The following WDR72 variants were observed in gnomAD, a reference collection of about 807,000 sequenced individuals.
The protein encoded by WDR72 is WD repeat-containing protein 72.
Under a neutral mutation model 124.2 loss-of-function variants are expected in WDR72, and 120 were observed. The ratio of observed to expected loss-of-function variants is 0.97; its 90% CI spans 0.83 to 1.12. The LOEUF is 1.12. WDR72 is among the 50% of genes most tolerant of loss of function. The pLI, the probability that WDR72 is intolerant of heterozygous loss-of-function variation, is 0.00. For missense variants in WDR72, 1,387 were observed against 1,278.8 expected (o/e 1.08, Z -1.29); for synonymous variants, 452 against 441.7 (o/e 1.02, Z -0.29).
At chr15:53,534,386 C>A (rs189749814) in intron 18 of WDR72, among the ~76,000 whole-genome samples, 2 of 152,042 alleles carry the variant, frequency 1.3e-5, no homozygotes, top group African/African-American at 2.4e-5. Context: ...ATGAGTCATG[C>A]GTTGCAAAAG....
At chr15:53,721,643 C>T (rs906840310) in intron 3 of WDR72, among the ~76,000 whole-genome samples, 10 of 152,144 alleles carry the variant, frequency 6.6e-5, no homozygotes, top group African/African-American at 2.4e-4. Flanking sequence ...GCATATTAAA[C>T]TATTCTGTTT....
intron 19 of WDR72, 130 bp from the exon 20 acceptor site, chr15:53,517,884 GA>G (rs966736739): frequency 2.4e-6 from 2 of 820,816 alleles, no homozygotes; most frequent in South Asian, 1.6e-5. Flanking sequence ...AGAGAATGAG[GA>G]AAAAAAGAAA....
At chr15:53,707,655 C>G (rs899760111) in intron 9 of WDR72, among the ~76,000 whole-genome samples, 2 of 152,046 alleles carry the variant, frequency 1.3e-5, no homozygotes, top group Non-Finnish European at 2.9e-5. Flanking sequence ...ACCGTGTTAG[C>G]CAGGATGGTC....
At chr15:53,524,252 T>C (rs890962180) in intron 18 of WDR72, among the ~76,000 whole-genome samples, 3 of 152,118 alleles carry the variant, frequency 2.0e-5, no homozygotes, top group African/African-American at 7.2e-5. Flanking sequence ...ACAATGGAAT[T>C]TTATTTATTA....
intron 9 of WDR72, among the ~76,000 whole-genome samples, chr15:53,709,107 G>A (rs1249608123): frequency 2.0e-5 from 3 of 152,220 alleles, no homozygotes; most frequent in Non-Finnish European, 4.4e-5. Context: ...CTCACTGAAT[G>A]TATCAAATTC....
chr15:53,634,988 A>AGGT (rs1218382047), intron 14 of WDR72, among the ~76,000 whole-genome samples: 1 of 152,204 alleles, frequency 6.6e-6, no homozygotes, highest in Non-Finnish European at 1.5e-5. Context: ...AGCCAGAGCA[A>AGGT]GGTGGTGTAA....
chr15:53,600,017 C>T (rs1434713537), intron 17 of WDR72, among the ~76,000 whole-genome samples: 1 of 152,044 alleles, frequency 6.6e-6, no homozygotes, highest in Non-Finnish European at 1.5e-5. Context: ...AAAGTGAATA[C>T]TGAATGGCAT....
Position 53,759,295 on chromosome 15 carries a change from C to A in WDR72, c.-13+338G>T, listed in dbSNP as rs2019003543. On this transcript the variant is annotated intron_variant, in intron 1 of 19. Transcript: ENST00000360509. ...TTATCCTAATAGGGAAAGGCAGGTC[C>A]CTAACCGTATCTGGGGTAGACTCCT... is the stretch of plus-strand genomic sequence containing the variant. 2.6e-5 allele frequency: 4 copies of A among 152,292 alleles called. No individual in the cohort carries two copies. In the South Asian group the frequency reaches 8.3e-4, roughly 32 times the overall value. The allele number at this position is 152,292 out of a possible 1,614,324, so 9.4% of individuals were successfully genotyped here. A position where few individuals can be genotyped will look rare whatever the true frequency, so the allele number is the denominator to read the frequency against.
intron 13 of WDR72, chr15:53,684,026 A>C (rs1164316209): frequency 2.0e-5 from 3 of 152,208 alleles, no homozygotes; most frequent in Admixed American, 1.3e-4. Flanking sequence ...AATAAAGGAT[A>C]TCAATTAATT....
chr15:53,692,380 G>T (rs2016871699), intron 13 of WDR72, among the ~76,000 whole-genome samples: 1 of 152,154 alleles, frequency 6.6e-6, no homozygotes, highest in African/African-American at 2.4e-5. Context: ...GAGTTAAGGA[G>T]TCAGGAATAA....
At chr15:53,621,034 C>G (rs2013969210) in intron 14 of WDR72, among the ~76,000 whole-genome samples, 1 of 151,972 alleles carries the variant, frequency 6.6e-6, no homozygotes, top group Non-Finnish European at 1.5e-5. Context: ...AAATTGCCAA[C>G]AAACATATAA....
At chr15:53,552,465 A>G (rs1297763985) in intron 18 of WDR72, among the ~76,000 whole-genome samples, 1 of 152,094 alleles carries the variant, frequency 6.6e-6, no homozygotes, top group East Asian at 1.9e-4. Flanking sequence ...AACAATGTCT[A>G]TTTGCACAGC....
intron 18 of WDR72, among the ~76,000 whole-genome samples, chr15:53,529,391 C>T (rs1892325482): frequency 6.6e-6 from 1 of 151,722 alleles, no homozygotes; most frequent in African/African-American, 2.4e-5. Context: ...AGTTGAAGTA[C>T]ACAGCCTCTT....
At chr15:53,548,392 T>C (rs1295556336) in intron 18 of WDR72, among the ~76,000 whole-genome samples, 2 of 152,204 alleles carry the variant, frequency 1.3e-5, no homozygotes, top group African/African-American at 4.8e-5. Context: ...AGGGTTAGTT[T>C]CTGCCATGCA....
chr15:53,567,831 T>C (rs1267737206), intron 18 of WDR72, among the ~76,000 whole-genome samples: 1 of 151,740 alleles, frequency 6.6e-6, no homozygotes, highest in Admixed American at 6.6e-5. Context: ...TAATAACTAA[T>C]TTAAAAACAG....
chr15:53,652,581 C>T (rs2015279441), intron 14 of WDR72, among the ~76,000 whole-genome samples: 1 of 152,046 alleles, frequency 6.6e-6, no homozygotes, highest in Non-Finnish European at 1.5e-5. Flanking sequence ...TAGATTGTTG[C>T]TGGCTTCAGG....
rs1374734889 is a variant in WDR72, at chr15:53,516,115, T to TATCA, written c.*1580_*1583dup. 1 of 152,250 alleles carries TATCA rather than the reference T, an allele frequency of 6.6e-6. No individual in the cohort carries two copies. Among genetic ancestry groups the TATCA allele is most frequent in the South Asian group, 2.1e-4 (1 of 4,822 alleles). The allele number at this position is 152,250 out of a possible 1,614,324, so 9.4% of individuals were successfully genotyped here. A position where few individuals can be genotyped will look rare whatever the true frequency, so the allele number is the denominator to read the frequency against. ...GTTTCTAAAGGAGGGGGAATATATTTATCAATCAGTTTTCAAAGGATAATA... is the reference window on the plus strand; with the variant it reads ...GTTTCTAAAGGAGGGGGAATATATTTATCAATCAATCAGTTTTCAAAGGATAATA... On this transcript the variant is annotated 3_prime_UTR_variant, in exon 20 of 20. Coordinates refer to ENST00000360509, the MANE Select transcript of WDR72 (RefSeq NM_182758.4).
chr15:53,663,912 C>T (rs547668449), intron 14 of WDR72, among the ~76,000 whole-genome samples: 1 of 151,582 alleles, frequency 6.6e-6, no homozygotes, highest in South Asian at 2.1e-4. Flanking sequence ...AGAAAAATGA[C>T]CTTTTCAAGT....
At chr15:53,638,926 C>T (rs953667816) in intron 14 of WDR72, among the ~76,000 whole-genome samples, 23 of 151,926 alleles carry the variant, frequency 1.5e-4, no homozygotes, top group Non-Finnish European at 2.6e-4. Flanking sequence ...TTGCTTGAAC[C>T]CGGGAGGGTT....
Sources: gnomAD v4.1 joint callset for allele counts (sites outside exome capture counted in the v4.1 genomes callset) on GRCh38, gnomAD v4.1.1 for gene constraint, MANE v1.5 for transcripts, NCBI Gene and HGNC (gene_info 2026-07-23, HGNC 2026-07-21) for gene names.